Variants in SYN2 observed in about 807,000 individuals in gnomAD.
SYN2 encodes the protein synapsin-2.
SYN2 carries 19 observed loss-of-function variants against 50.9 expected under a neutral mutation model. The ratio of observed to expected loss-of-function variants is 0.37; its 90% CI spans 0.26 to 0.55. SYN2 has a LOEUF of 0.55. Among genes scored for constraint, SYN2 ranks in the 20% least tolerant of loss-of-function variants. The probability of loss-of-function intolerance (pLI) is 0.81; values close to 1 mark genes in which losing one functional copy is unlikely to be tolerated. For synonymous variants in SYN2, 255 were observed against 224.9 expected (o/e 1.13, Z -1.20); for missense variants, 587 against 576.4 (o/e 1.02, Z -0.19).
chr3:12,173,688 G>C (rs370394186), intron 10 of SYN2, among the ~76,000 whole-genome samples: 68 of 152,282 alleles, frequency 4.5e-4, no homozygotes, highest in Middle Eastern at 3.4e-3. Flanking sequence ...GGCCGAGGCA[G>C]GTAGATCACG....
chr3:12,142,615 C>A (rs1697046959), intron 3 of SYN2, among the ~76,000 whole-genome samples: 1 of 152,118 alleles, frequency 6.6e-6, no homozygotes, highest in South Asian at 2.1e-4. Flanking sequence ...CTCGATGCCT[C>A]ATAGATGTGA....
At chr3:12,107,477 G>C (rs989236202) in intron 1 of SYN2, among the ~76,000 whole-genome samples, 1 of 152,212 alleles carries the variant, frequency 6.6e-6, no homozygotes, top group Non-Finnish European at 1.5e-5. Context: ...GCTTGTCGGT[G>C]TAATAATGTC....
intron 1 of SYN2, among the ~76,000 whole-genome samples, chr3:12,105,658 A>C (rs903504437): frequency 6.6e-6 from 1 of 151,932 alleles, no homozygotes; most frequent in Non-Finnish European, 1.5e-5. Context: ...TGCAGAATTC[A>C]TATGGTGTCA....
intron 4 of SYN2, 26 bp downstream of exon 4, chr3:12,145,861 T>C (rs1047231241): frequency 2.5e-6 from 4 of 1,612,538 alleles, no homozygotes; most frequent in Non-Finnish European, 3.4e-6. Flanking sequence ...TTCCCCCAAG[T>C]AAAAGGGTAG....
intron 1 of SYN2, among the ~76,000 whole-genome samples, chr3:12,069,582 C>G (rs931764200): frequency 3.3e-5 from 5 of 151,952 alleles, no homozygotes; most frequent in African/African-American, 7.2e-5. Flanking sequence ...TTGGGTATAC[C>G]TAAGGAGTGA....
chr3:12,059,546 G>C (rs1431725492), intron 1 of SYN2, among the ~76,000 whole-genome samples: 1 of 151,938 alleles, frequency 6.6e-6, no homozygotes, highest in Non-Finnish European at 1.5e-5. Context: ...CTTTATCTGA[G>C]GTCTGTGTGC....
At chr3:12,165,447 TAATG>T (rs1304201971) in intron 7 of SYN2, 1 of 152,228 alleles carries the variant, frequency 6.6e-6, no homozygotes, top group Non-Finnish European at 1.5e-5. Flanking sequence ...AAATTACTAT[TAATG>T]AAATAAATGA....
chr3:12,008,506 C>T (rs946509899), intron 1 of SYN2, among the ~76,000 whole-genome samples: 4 of 152,076 alleles, frequency 2.6e-5, no homozygotes, highest in African/African-American at 7.2e-5. Flanking sequence ...ATCTCCAGTC[C>T]CACCTCACAC....
chr3:12,103,846 A>G (rs375494401), intron 1 of SYN2, among the ~76,000 whole-genome samples: 1 of 152,242 alleles, frequency 6.6e-6, no homozygotes, highest in Non-Finnish European at 1.5e-5. Flanking sequence ...GGCAAATGAA[A>G]AAAGCACAGT....
At chr3:12,077,640 G>A (rs1240953311) in intron 1 of SYN2, among the ~76,000 whole-genome samples, 2 of 152,150 alleles carry the variant, frequency 1.3e-5, no homozygotes, top group South Asian at 2.1e-4. Flanking sequence ...TCCCTGCAAA[G>A]GACATGATTT....
At chr3:12,049,108 A>AG (rs1169397641) in intron 1 of SYN2, among the ~76,000 whole-genome samples, 1 of 152,140 alleles carries the variant, frequency 6.6e-6, no homozygotes. Context: ...TCGAACACTT[A>AG]GGGTATGTCA....
At chr3:12,160,478 T>A (rs1472750414) in intron 5 of SYN2, among the ~76,000 whole-genome samples, 1 of 152,216 alleles carries the variant, frequency 6.6e-6, no homozygotes, top group African/African-American at 2.4e-5. Context: ...AAAGGATACC[T>A]TTTCATTTTG....
chr3:12,157,508 C>T (rs1487751338), intron 5 of SYN2: 5 of 1,609,644 alleles, frequency 3.1e-6, no homozygotes, highest in South Asian at 1.1e-5. Flanking sequence ...AAAGAGGGAA[C>T]CTTCAGCAGC....
At chr3:12,092,113 C>A (rs964088639) in intron 1 of SYN2, among the ~76,000 whole-genome samples, 2 of 151,974 alleles carry the variant, frequency 1.3e-5, no homozygotes, top group Admixed American at 1.3e-4. Flanking sequence ...AATATGCTTT[C>A]TTTAACTCTT....
intron 1 of SYN2, among the ~76,000 whole-genome samples, chr3:12,128,343 A>G (rs559378176): frequency 3.3e-5 from 5 of 152,210 alleles, no homozygotes; most frequent in Admixed American, 6.5e-5. Flanking sequence ...AGGGATTTCT[A>G]TGTGTTGAAT....
intron 1 of SYN2, among the ~76,000 whole-genome samples, chr3:12,120,811 T>C (rs1357020470): frequency 6.6e-6 from 1 of 152,168 alleles, no homozygotes; most frequent in Admixed American, 6.5e-5. Context: ...CCTTCATGTG[T>C]CCTATATTTT....
chr3:12,080,096 G>A (rs917135111), intron 1 of SYN2, among the ~76,000 whole-genome samples: 1 of 152,100 alleles, frequency 6.6e-6, no homozygotes, highest in Non-Finnish European at 1.5e-5. Context: ...GCATAGAGGT[G>A]TTTATAGCAT....
intron 7 of SYN2, among the ~76,000 whole-genome samples, chr3:12,166,941 A>G (rs758802547): frequency 2.0e-5 from 3 of 152,264 alleles, no homozygotes; most frequent in Non-Finnish European, 4.4e-5. Context: ...AGGCAGAAGC[A>G]AAGTCCTGTA....
chr3:12,056,472 A>G (rs1332423700), intron 1 of SYN2, among the ~76,000 whole-genome samples: 1 of 152,036 alleles, frequency 6.6e-6, no homozygotes, highest in Non-Finnish European at 1.5e-5. Flanking sequence ...TTTACAACAT[A>G]AAGTTTAAAG....
Sources: gnomAD v4.1 joint callset for allele counts (sites outside exome capture counted in the v4.1 genomes callset) on GRCh38, gnomAD v4.1.1 for gene constraint, MANE v1.5 for transcripts, NCBI Gene and HGNC (gene_info 2026-07-23, HGNC 2026-07-21) for gene names.